CHCHD6: variants seen among roughly 807,000 people sequenced by gnomAD.
CHCHD6 encodes coiled-coil-helix-coiled-coil-helix domain containing 6.
Under a neutral mutation model 32.3 loss-of-function variants are expected in CHCHD6, and 28 were observed. The observed-to-expected ratio is 0.87, with a 90% CI of 0.64 to 1.19. The LOEUF is 1.19. Among genes scored for constraint, CHCHD6 ranks in the 50% most tolerant of loss-of-function variants. The pLI, the probability that CHCHD6 is intolerant of heterozygous loss-of-function variation, is 0.00. For missense variants in CHCHD6, 333 were observed against 307.0 expected, an observed-to-expected ratio of 1.08 and a Z score of -0.63; for synonymous variants, 122 against 117.5, an observed-to-expected ratio of 1.04 and a Z score of -0.25.
chr3:126,823,064 C>T (rs1028272406), intron 4 of CHCHD6, among the ~76,000 whole-genome samples: 1 of 152,020 alleles, frequency 6.6e-6, no homozygotes, highest in South Asian at 2.1e-4. Flanking sequence ...CATCACCACA[C>T]CCTGCCAGTT....
At chr3:126,770,019 T>A (rs1420767514) in intron 4 of CHCHD6, among the ~76,000 whole-genome samples, 1 of 152,178 alleles carries the variant, frequency 6.6e-6, no homozygotes, top group South Asian at 2.1e-4. Context: ...TGAGCCATGT[T>A]TTGTTTTGTT....
chr3:126,936,000 A>G (rs1303792998), intron 6 of CHCHD6, among the ~76,000 whole-genome samples: 1 of 152,218 alleles, frequency 6.6e-6, no homozygotes, highest in African/African-American at 2.4e-5. Context: ...CCATAGATGG[A>G]AAGACCTTGG....
intron 6 of CHCHD6, among the ~76,000 whole-genome samples, chr3:126,942,745 T>G (rs1436894936): frequency 6.6e-6 from 1 of 152,154 alleles, no homozygotes; most frequent in Non-Finnish European, 1.5e-5. Context: ...AACCATGCTC[T>G]GGGATCTGAG....
intron 4 of CHCHD6, among the ~76,000 whole-genome samples, chr3:126,738,403 GA>G (rs1226027417): frequency 2.6e-5 from 4 of 152,170 alleles, no homozygotes; most frequent in African/African-American, 4.8e-5. Context: ...CAAAGTTTTT[GA>G]ATTGCAATTT....
intron 5 of CHCHD6, among the ~76,000 whole-genome samples, chr3:126,910,882 C>T (rs1246551705): frequency 1.3e-5 from 2 of 152,072 alleles, no homozygotes; most frequent in African/African-American, 4.8e-5. Flanking sequence ...TGTGCTCACT[C>T]ACACATGTGC....
chr3:126,792,244 ATAGAATATATATTCTAATATAGAATATAT>A (rs1468322451), intron 4 of CHCHD6, among the ~76,000 whole-genome samples: 1 of 146,052 alleles, frequency 6.8e-6, no homozygotes, highest in Middle Eastern at 3.6e-3. Context: ...ATATTCTAAT[ATAGAATATATATTCTAATATAGAATATAT>A]TAGAATATAT....
At chr3:126,844,191 G>C (rs1371274755) in intron 4 of CHCHD6, among the ~76,000 whole-genome samples, 2 of 152,170 alleles carry the variant, frequency 1.3e-5, no homozygotes, top group Non-Finnish European at 1.5e-5. Context: ...GTTTCCTGCT[G>C]TTGTTAGATG....
At chr3:126,773,191 T>C (rs986647612) in intron 4 of CHCHD6, among the ~76,000 whole-genome samples, 1 of 152,208 alleles carries the variant, frequency 6.6e-6, no homozygotes, top group African/African-American at 2.4e-5. Flanking sequence ...CTGATGATTA[T>C]ATGTCTTGGG....
At chr3:126,885,500 A>T (rs144016651) in intron 5 of CHCHD6, among the ~76,000 whole-genome samples, 1 of 152,242 alleles carries the variant, frequency 6.6e-6, no homozygotes, top group African/African-American at 2.4e-5. Context: ...ATTTTAAAAC[A>T]TGCATTTCAA....
intron 6 of CHCHD6, among the ~76,000 whole-genome samples, chr3:126,939,285 T>C (rs2078525785): frequency 6.6e-6 from 1 of 152,198 alleles, no homozygotes; most frequent in African/African-American, 2.4e-5. Context: ...CGGAAGTGTC[T>C]GAGCTTTGAA....
intron 6 of CHCHD6, among the ~76,000 whole-genome samples, chr3:126,929,785 C>T (rs1190546106): frequency 1.3e-5 from 2 of 152,162 alleles, no homozygotes; most frequent in East Asian, 1.9e-4. Flanking sequence ...AGGCCGGTCT[C>T]GAACTCCTGA....
intron 1 of CHCHD6, among the ~76,000 whole-genome samples, chr3:126,710,988 G>A (rs1362953003): frequency 6.6e-6 from 1 of 152,182 alleles, no homozygotes; most frequent in Non-Finnish European, 1.5e-5. Flanking sequence ...GAACGTCCTT[G>A]TCTTGTTCCT....
chr3:126,779,863 G>A (rs1042330376), intron 4 of CHCHD6, among the ~76,000 whole-genome samples: 3 of 152,130 alleles, frequency 2.0e-5, no homozygotes, highest in Non-Finnish European at 4.4e-5. Flanking sequence ...AACTCCTTAG[G>A]GCAAGAAAAA....
At chr3:126,764,669 C>T (rs1937292701) in intron 4 of CHCHD6, among the ~76,000 whole-genome samples, 1 of 152,192 alleles carries the variant, frequency 6.6e-6, no homozygotes, top group Admixed American at 6.5e-5. Context: ...GCTGCGTCCT[C>T]AACCCTCTGG....
Position 126,824,560 on chromosome 3 carries a change from C to CAAAAAAAAAAAAAAAAAAAAAAAAA in CHCHD6, c.412-28066_412-28065insAAAAAAAAAAAAAAAAAAAAAAAAA, listed in dbSNP as rs71150454. 2.8e-4 allele frequency among the ~76,000 whole-genome samples: 11 copies of CAAAAAAAAAAAAAAAAAAAAAAAAA among 39,996 alleles called. 3 individuals are homozygous for CAAAAAAAAAAAAAAAAAAAAAAAAA. The highest frequency in any genetic ancestry group is 1.2e-3 in the African/African-American group (8 of 6,806). 26.2% of individuals were successfully genotyped at this position (39,996 alleles called of 152,430 possible). ...TAGGTGATAGAGCAAGACTCTGTCTCAAAAAAAAAAAAAAAAAAAAAGTCA... is the reference window on the plus strand; with the variant it reads ...TAGGTGATAGAGCAAGACTCTGTCTCAAAAAAAAAAAAAAAAAAAAAAAAAAAAAAAAAAAAAAAAAAAAAAGTCA... On this transcript the variant is annotated intron_variant, in intron 4 of 7. Transcript: ENST00000290913.
In CHCHD6 at chr3:126,906,729, A is replaced by G. The variant is rs553814854; in HGVS notation, c.496-7951A>G. Among the ~76,000 whole-genome samples the G allele has an allele frequency of 1.2e-3, 190 of 152,088 alleles. 1 individual carries two copies. Among genetic ancestry groups the G allele is most frequent in the African/African-American group, 4.2e-3 (173 of 41,488 alleles). On this transcript the variant is annotated intron_variant, in intron 5 of 7. Coordinates refer to ENST00000290913, the MANE Select transcript of CHCHD6 (RefSeq NM_032343.3). ...GGTTTTGTATTTTTTCCCCCTCCAT[A>G]TCCAGAGCGTTAGCTCTGTGAAGGC...
intron 5 of CHCHD6, among the ~76,000 whole-genome samples, chr3:126,905,813 A>G (rs879638178): frequency 2.0e-5 from 3 of 152,198 alleles, no homozygotes; most frequent in African/African-American, 4.8e-5. Context: ...ATAGGGACCC[A>G]TGGGATAGGA....
intron 4 of CHCHD6, among the ~76,000 whole-genome samples, chr3:126,833,559 G>C (rs1483051894): frequency 2.0e-5 from 3 of 152,180 alleles, no homozygotes; most frequent in East Asian, 1.9e-4. Context: ...TGTGGGCTTC[G>C]CAACTATGTA....
intron 4 of CHCHD6, among the ~76,000 whole-genome samples, chr3:126,848,947 T>A (rs1163577455): frequency 1.3e-5 from 2 of 152,220 alleles, no homozygotes; most frequent in African/African-American, 4.8e-5. Flanking sequence ...ACTATTTCTA[T>A]TGTCACCTAC....
Sources: gnomAD v4.1 joint callset for allele counts (sites outside exome capture counted in the v4.1 genomes callset) on GRCh38, gnomAD v4.1.1 for gene constraint, MANE v1.5 for transcripts, NCBI Gene and HGNC (gene_info 2026-07-23, HGNC 2026-07-21) for gene names.